MPPED2: variants seen among roughly 807,000 people sequenced by gnomAD.
MPPED2 encodes the protein metallophosphoesterase MPPED2.
MPPED2 carries 5 observed loss-of-function variants against 33.0 expected under a neutral mutation model. That is an observed-to-expected ratio of 0.15 (90% CI 0.08 to 0.32). The LOEUF (loss-of-function observed/expected upper bound fraction) is 0.32, where lower values mean the gene tolerates loss of function less well. MPPED2 is among the 10% of genes least tolerant of loss of function. The pLI is 1.00. For synonymous variants in MPPED2, 136 were observed against 141.9 expected, an observed-to-expected ratio of 0.96 and a Z score of 0.29; for missense variants, 275 against 372.1, an observed-to-expected ratio of 0.74 and a Z score of 2.15.
At chr11:30,502,780 T>C (rs550436753) in intron 3 of MPPED2, among the ~76,000 whole-genome samples, 4 of 152,178 alleles carry the variant, frequency 2.6e-5, no homozygotes, top group Admixed American at 2.6e-4. Flanking sequence ...ATCAGCATTT[T>C]AAAATAAACA....
Position 30,417,954 on chromosome 11 carries a change from G to A in MPPED2, c.537-321C>T, listed in dbSNP as rs115319702. Among the ~76,000 whole-genome samples the A allele has an allele frequency of 3.9e-3, 601 of 152,160 alleles. 5 individuals are homozygous for A. The highest frequency in any genetic ancestry group is 0.013 in the African/African-American group (549 of 41,524). On this transcript the variant is annotated intron_variant, in intron 4 of 6. Transcript: ENST00000358117. ...AGTGCTTCCTAAGATACCCAGCCCCGATCCAAAGCATTTCCACCCTTCCTG... is the reference window on the plus strand; with the variant it reads ...AGTGCTTCCTAAGATACCCAGCCCCAATCCAAAGCATTTCCACCCTTCCTG...
At position 30,465,738 on chromosome 11, in the gene MPPED2, C is replaced by T. The variant is rs116785670; in HGVS notation, c.536+29558G>A. Reference sequence around the variant, plus strand: ...CAGTACAGTTGACCCTTGAACAACACAGGTTTGAACTGTGTGGGTCCACTT... The same window carrying T: ...CAGTACAGTTGACCCTTGAACAACATAGGTTTGAACTGTGTGGGTCCACTT... On this transcript the variant is annotated intron_variant, in intron 4 of 6. Coordinates refer to ENST00000358117, the MANE Select transcript of MPPED2 (RefSeq NM_001584.3). Among the ~76,000 whole-genome samples, 1,333 of 152,324 alleles carry T rather than the reference C, an allele frequency of 8.8e-3. 34 individuals are homozygous for T. Among genetic ancestry groups the T allele is most frequent in the African/African-American group, 0.028 (1,170 of 41,568 alleles).
chr11:30,522,059 T>C (rs1282142690), intron 3 of MPPED2, among the ~76,000 whole-genome samples: 1 of 152,234 alleles, frequency 6.6e-6, no homozygotes, highest in Non-Finnish European at 1.5e-5. Context: ...CAAGTTTCCA[T>C]TAAGAAATCC....
At chr11:30,389,489 A>G (rs1346542189) in intron 6 of MPPED2, among the ~76,000 whole-genome samples, 1 of 152,178 alleles carries the variant, frequency 6.6e-6, no homozygotes, top group Non-Finnish European at 1.5e-5. Flanking sequence ...GCTTCTATGT[A>G]TTCATAAAAT....
chr11:30,437,595 C>G (rs1400351842), intron 4 of MPPED2, among the ~76,000 whole-genome samples: 1 of 152,174 alleles, frequency 6.6e-6, no homozygotes, highest in African/African-American at 2.4e-5. Context: ...TGAATACTAG[C>G]CTAAATCTAG....
intron 4 of MPPED2, among the ~76,000 whole-genome samples, chr11:30,459,026 C>T (rs1180643732): frequency 1.4e-5 from 2 of 142,678 alleles, no homozygotes; most frequent in Non-Finnish European, 3.0e-5. Flanking sequence ...CCCGGGTTCA[C>T]GCCATTCTCC....
At chr11:30,555,851 C>T (rs184923760) in intron 2 of MPPED2, among the ~76,000 whole-genome samples, 1 of 152,294 alleles carries the variant, frequency 6.6e-6, no homozygotes, top group Non-Finnish European at 1.5e-5. Context: ...TCTGCACATT[C>T]CCCTGGAATC....
intron 2 of MPPED2, among the ~76,000 whole-genome samples, chr11:30,539,539 C>T (rs1021343002): frequency 6.6e-5 from 10 of 152,186 alleles, no homozygotes; most frequent in Non-Finnish European, 1.2e-4. Flanking sequence ...CAATGTTTTA[C>T]ATGACATCTG....
intron 4 of MPPED2, among the ~76,000 whole-genome samples, chr11:30,432,491 A>G (rs779941236): frequency 1.3e-5 from 2 of 152,068 alleles, no homozygotes; most frequent in Non-Finnish European, 2.9e-5. Flanking sequence ...TAAATTTGCT[A>G]TATTTCATTT....
downstream of MPPED2, among the ~76,000 whole-genome samples, chr11:30,409,670 A>G (rs372157208): frequency 2.9e-4 from 44 of 152,330 alleles, 1 homozygote; most frequent in South Asian, 8.3e-3. Flanking sequence ...CTGACACATA[A>G]GACTTTGAGG....
chr11:30,586,802 A>C (rs1053271934), upstream of MPPED2: 6 of 152,126 alleles, frequency 3.9e-5, no homozygotes, highest in East Asian at 1.9e-4. This position sits in a 1 kb window ranked among gnomAD's most constrained non-coding sequence, Gnocchi z 4.8. Context: ...CCGCAGGGGT[A>C]AGGGGAGCGG....
At chr11:30,573,808 C>G (rs1354621880) in intron 2 of MPPED2, among the ~76,000 whole-genome samples, 5 of 152,092 alleles carry the variant, frequency 3.3e-5, no homozygotes, top group Non-Finnish European at 7.4e-5. Context: ...TAGTTTAAAT[C>G]CTTCATTCCC....
intron 4 of MPPED2, among the ~76,000 whole-genome samples, chr11:30,479,525 C>T (rs1216591410): frequency 1.3e-5 from 2 of 152,016 alleles, no homozygotes; most frequent in East Asian, 3.9e-4. Flanking sequence ...TAAATCATGC[C>T]TGTTGTTTCA....
At chr11:30,573,989 T>G (rs1956814987) in intron 2 of MPPED2, among the ~76,000 whole-genome samples, 1 of 152,196 alleles carries the variant, frequency 6.6e-6, no homozygotes, top group Non-Finnish European at 1.5e-5. Flanking sequence ...AGTCAACAAG[T>G]TTTAAAAAAT....
At chr11:30,494,737 C>CAAAAAAAAAAAAAAAAAAAAAAAAAAAA (rs767500886) in intron 4 of MPPED2, among the ~76,000 whole-genome samples, 1 of 47,610 alleles carries the variant, frequency 2.1e-5, no homozygotes, top group Non-Finnish European at 4.0e-5. Flanking sequence ...TACTCCACCT[C>CAAAAAAAAAAAAAAAAAAAAAAAAAAAA]AAAAAAAAAA....
intron 4 of MPPED2, among the ~76,000 whole-genome samples, chr11:30,482,760 T>A (rs889857985): frequency 1.3e-5 from 2 of 152,074 alleles, no homozygotes; most frequent in African/African-American, 4.8e-5. Context: ...AATGCATTCA[T>A]AATTATGTAT....
chr11:30,474,393 G>C (rs1951088105), intron 4 of MPPED2, among the ~76,000 whole-genome samples: 1 of 152,102 alleles, frequency 6.6e-6, no homozygotes. Flanking sequence ...TGTGATTTTT[G>C]CCTGTGGAAC....
At chr11:30,554,658 C>T (rs1379706413) in intron 2 of MPPED2, among the ~76,000 whole-genome samples, 6 of 152,008 alleles carry the variant, frequency 3.9e-5, no homozygotes, top group Non-Finnish European at 7.4e-5. Context: ...CGACGCCCAG[C>T]TAATTTTTGC....
At chr11:30,493,746 A>G (rs1484641033) in intron 4 of MPPED2, among the ~76,000 whole-genome samples, 2 of 152,230 alleles carry the variant, frequency 1.3e-5, no homozygotes, top group African/African-American at 4.8e-5. Context: ...AAGGCCAGAA[A>G]AATTATAATT....
Sources: gnomAD v4.1 joint callset for allele counts (sites outside exome capture counted in the v4.1 genomes callset) on GRCh38, gnomAD v4.1.1 for gene constraint, Gnocchi (gnomAD v3.1) non-coding constraint, MANE v1.5 for transcripts, NCBI Gene and HGNC (gene_info 2026-07-23, HGNC 2026-07-21) for gene names.